Variants in DEFB131B observed in about 807,000 individuals in gnomAD.
The protein encoded by DEFB131B is defensin beta 131B, also known as beta-defensin 131B.
In DEFB131B, 2 loss-of-function variants were observed where a neutral mutation model predicts 2.1. The observed-to-expected ratio is 0.94, with a 90% confidence interval of 0.38 to 2.95. DEFB131B has a LOEUF of 2.95. Ranked by LOEUF, DEFB131B falls within the 30% of genes most tolerant of loss-of-function variation. The probability of loss-of-function intolerance (pLI) is 0.09; values close to 1 mark genes in which losing one functional copy is unlikely to be tolerated. For missense variants in DEFB131B, 77 were observed against 78.5 expected (o/e 0.98, Z 0.07); for synonymous variants, 26 against 25.8 (o/e 1.01, Z -0.03).
intron 1 of DEFB131B, among the ~76,000 whole-genome samples, chr11:71,879,391 A>G (rs1952546015): frequency 6.6e-6 from 1 of 152,208 alleles, no homozygotes; most frequent in Admixed American, 6.5e-5. Flanking sequence ...TTAATTTTAA[A>G]ATTCATCAAT....
intron 1 of DEFB131B, among the ~76,000 whole-genome samples, chr11:71,883,862 C>G (rs2121358329): frequency 6.6e-6 from 1 of 152,294 alleles, no homozygotes; most frequent in Middle Eastern, 3.4e-3. Flanking sequence ...AGACTCAACT[C>G]CTTCTGACCC....
intron 1 of DEFB131B, among the ~76,000 whole-genome samples, chr11:71,879,842 T>C (rs917431448): frequency 2.0e-5 from 3 of 152,198 alleles, no homozygotes; most frequent in African/African-American, 7.2e-5. Context: ...ATAATAAATA[T>C]CTGATCCTTC....
At chr11:71,883,519 A>G (rs73544105) in intron 1 of DEFB131B, among the ~76,000 whole-genome samples, 6,805 of 152,210 alleles carry the variant, frequency 0.045, 519 homozygotes, top group African/African-American at 0.16. Context: ...ACGTGGTACT[A>G]AGAAAACTGA....
At chr11:71,880,132 CAT>C (rs1223765556) in intron 1 of DEFB131B, among the ~76,000 whole-genome samples, 1 of 152,032 alleles carries the variant, frequency 6.6e-6, no homozygotes, top group Non-Finnish European at 1.5e-5. Context: ...TCTGAGGTAA[CAT>C]GTGCCTCAGA....
intron 1 of DEFB131B, among the ~76,000 whole-genome samples, chr11:71,880,249 TTAGA>T (rs1468214389): frequency 6.6e-6 from 1 of 152,146 alleles, no homozygotes; most frequent in Non-Finnish European, 1.5e-5. Context: ...TTTGGGAAAG[TTAGA>T]TTGATTATTG....
chr11:71,879,087 T>A (rs1952543944), intron 1 of DEFB131B, among the ~76,000 whole-genome samples: 1 of 152,022 alleles, frequency 6.6e-6, no homozygotes, highest in Non-Finnish European at 1.5e-5. Flanking sequence ...ACACAGGAAA[T>A]TTAAAGAATT....
intron 1 of DEFB131B, among the ~76,000 whole-genome samples, chr11:71,879,443 G>T (rs1243883325): frequency 6.6e-6 from 1 of 152,126 alleles, no homozygotes; most frequent in Non-Finnish European, 1.5e-5. Context: ...TCATACCTGA[G>T]ATTTAGATTA....
chr11:71,884,374 T>C, intron 1 of DEFB131B, 33 bp from the exon 2 acceptor site: 1 of 1,539,812 alleles, frequency 6.5e-7, no homozygotes, highest in Non-Finnish European at 8.8e-7. Context: ...GTAAGTAATA[T>C]TGTGTCATAT....
intron 1 of DEFB131B, among the ~76,000 whole-genome samples, chr11:71,882,169 A>C (rs1393746922): frequency 6.6e-6 from 1 of 152,126 alleles, no homozygotes; most frequent in Non-Finnish European, 1.5e-5. Context: ...ACTTCTCTTA[A>C]ACCACATAAG....
At chr11:71,881,450 C>T (rs1228328009) in intron 1 of DEFB131B, among the ~76,000 whole-genome samples, 33 of 152,108 alleles carry the variant, frequency 2.2e-4, no homozygotes, top group Non-Finnish European at 8.8e-5. Context: ...AAGATCAAGA[C>T]GTCAGCACAT....
chr11:71,884,119 C>A (rs190710096), intron 1 of DEFB131B, among the ~76,000 whole-genome samples: 19 of 152,270 alleles, frequency 1.2e-4, no homozygotes, highest in African/African-American at 3.6e-4. Flanking sequence ...AATCTCTACA[C>A]CACCCCCAAG....
In DEFB131B at chr11:71,884,237, C is replaced by T. The variant is rs778339489; in HGVS notation, c.59-170C>T. 3.1e-5 allele frequency: 22 copies of T among 700,248 alleles called. 1 individual carries two copies. Among genetic ancestry groups the T allele is most frequent in the East Asian group, 6.2e-5 (2 of 32,460 alleles). The allele number at this position is 700,248 out of a possible 1,614,324, so 43.4% of individuals were successfully genotyped here. ...CTACTCTCTTTACAGAAGAAATCAT[C>T]GTTTGTCTTTATTCAGCATCTCCAC... On this transcript the variant is annotated intron_variant, in intron 1 of 1. Transcript: ENST00000530210.
chr11:71,881,888 T>C (rs528612046), intron 1 of DEFB131B, among the ~76,000 whole-genome samples: 12 of 152,150 alleles, frequency 7.9e-5, no homozygotes, highest in East Asian at 1.9e-4. Context: ...GAAAAATATA[T>C]GTGTAATGAA....
chr11:71,880,836 G>C (rs1404466255), intron 1 of DEFB131B, among the ~76,000 whole-genome samples: 4 of 151,990 alleles, frequency 2.6e-5, no homozygotes, highest in Admixed American at 2.0e-4. Context: ...GTTCTTCCTA[G>C]TATTCATTTC....
intron 1 of DEFB131B, among the ~76,000 whole-genome samples, chr11:71,880,030 A>C (rs188205236): frequency 1.2e-4 from 19 of 152,278 alleles, no homozygotes; most frequent in African/African-American, 3.6e-4. Context: ...CTATCTCAAT[A>C]AAAATATAAA....
chr11:71,881,518 C>A (rs1430468476), intron 1 of DEFB131B, among the ~76,000 whole-genome samples: 1 of 152,088 alleles, frequency 6.6e-6, no homozygotes, highest in Non-Finnish European at 1.5e-5. Flanking sequence ...GCCATGTCCT[C>A]TTATGGCATT....
At chr11:71,879,126 A>C (rs1419514617) in intron 1 of DEFB131B, among the ~76,000 whole-genome samples, 1 of 152,194 alleles carries the variant, frequency 6.6e-6, no homozygotes, top group African/African-American at 2.4e-5. Context: ...TGAAGACTAG[A>C]AGAAGGGCTA....
intron 1 of DEFB131B, among the ~76,000 whole-genome samples, chr11:71,881,279 CTT>C (rs1269762925): frequency 5.3e-5 from 8 of 152,108 alleles, no homozygotes; most frequent in African/African-American, 1.9e-4. Flanking sequence ...TTCTTTGTCT[CTT>C]TTTATGTTTT....
chr11:71,883,403 C>A (rs541826882), intron 1 of DEFB131B, among the ~76,000 whole-genome samples: 6 of 152,120 alleles, frequency 3.9e-5, no homozygotes, highest in Non-Finnish European at 7.3e-5. Flanking sequence ...ATATAGGCCA[C>A]TGGAAGAGAA....
Sources: allele counts gnomAD v4.1 joint callset (sites outside exome capture counted in the v4.1 genomes callset), GRCh38; gene constraint gnomAD v4.1.1; transcripts MANE v1.5; gene names NCBI Gene and HGNC (gene_info 2026-07-23, HGNC 2026-07-21).